The following PCDHGA1 variants were observed in gnomAD, a reference collection of about 807,000 sequenced individuals.
The protein encoded by PCDHGA1 is protocadherin gamma subfamily A, 1, also known as protocadherin gamma-A1.
In PCDHGA1, 32 loss-of-function variants were observed where a neutral mutation model predicts 58.0. The observed-to-expected ratio is 0.55, with a 90% CI of 0.42 to 0.74. The LOEUF (loss-of-function observed/expected upper bound fraction) is 0.74, where lower values mean the gene tolerates loss of function less well. Among genes scored for constraint, PCDHGA1 ranks in the 30% least tolerant of loss-of-function variants. The pLI is 0.00. For missense variants in PCDHGA1, 1,205 were observed against 1,182.3 expected (o/e 1.02, Z -0.28); for synonymous variants, 498 against 501.1 (o/e 0.99, Z 0.08).
At chr5:141,448,215 C>T (rs927573458) in intron 1 of PCDHGA1, among the ~76,000 whole-genome samples, 5 of 152,046 alleles carry the variant, frequency 3.3e-5, no homozygotes, top group African/African-American at 9.7e-5. Flanking sequence ...TGTGTGTATG[C>T]GAATGTATGT....
At chr5:141,438,635 T>TATAC (rs1460604450) in intron 1 of PCDHGA1, among the ~76,000 whole-genome samples, 1 of 33,416 alleles carries the variant, frequency 3.0e-5, no homozygotes, top group Admixed American at 4.2e-4. Context: ...TATATATATA[T>TATAC]ACACACACAC....
At chr5:141,396,515 G>A (rs1162905890) in intron 1 of PCDHGA1, 3 of 152,048 alleles carry the variant, frequency 2.0e-5, no homozygotes, top group Non-Finnish European at 4.4e-5. Flanking sequence ...AGCTACTCGG[G>A]AGGCTGAGGC....
At chr5:141,474,607 A>C (rs1334447439) in intron 1 of PCDHGA1, among the ~76,000 whole-genome samples, 1 of 152,238 alleles carries the variant, frequency 6.6e-6, no homozygotes, top group Non-Finnish European at 1.5e-5. Context: ...TAGGTCACAT[A>C]TGGCTTTTCA....
chr5:141,395,558 G>C (rs60237573), intron 1 of PCDHGA1: 1 of 127,872 alleles, frequency 7.8e-6, no homozygotes, highest in Non-Finnish European at 1.4e-5. Flanking sequence ...GTGTGTGTGT[G>C]TGTGTGTGTG....
intron 1 of PCDHGA1, chr5:141,393,311 C>T: frequency 6.2e-7 from 1 of 1,613,484 alleles, no homozygotes; most frequent in Non-Finnish European, 8.5e-7. Context: ...GCGTGAACTC[C>T]CTCCAGAGCT....
chr5:141,402,801 G>A, intron 1 of PCDHGA1: 6 of 1,078,624 alleles, frequency 5.6e-6, no homozygotes, highest in Non-Finnish European at 7.6e-6. Context: ...CACAAAACCC[G>A]GCAGATACCA....
intron 1 of PCDHGA1, chr5:141,376,531 G>T (rs1240526589): frequency 3.7e-6 from 6 of 1,613,608 alleles, no homozygotes; most frequent in Non-Finnish European, 5.1e-6. Context: ...CGCCTAAGCG[G>T]GAAGAGTAAT....
At position 141,511,462 on chromosome 5, in the gene PCDHGA1, C is replaced by A. The variant is rs1385398410; in HGVS notation, c.*289C>A. ...AGACACCAAGAACCATTTGCCACAC[C>A]CCGTTTAGTTACAGCTGAACTCCTC... On this transcript the variant is annotated 3_prime_UTR_variant, in exon 4 of 4. Coordinates refer to ENST00000517417, the MANE Select transcript of PCDHGA1 (RefSeq NM_018912.3). The A allele has an allele frequency of 4.7e-5, 26 of 556,350 alleles. No individual in the cohort carries two copies. Among genetic ancestry groups the A allele is most frequent in the Non-Finnish European group, 9.1e-6 (3 of 329,202 alleles). 34.5% of individuals were successfully genotyped at this position (556,350 alleles called of 1,614,324 possible). A position where few individuals can be genotyped will look rare whatever the true frequency, so the allele number is the denominator to read the frequency against.
intron 1 of PCDHGA1, chr5:141,413,287 T>C (rs937508313): frequency 6.2e-7 from 1 of 1,613,950 alleles, no homozygotes. Flanking sequence ...GATCTCCTAC[T>C]CAATTCCTGA....
intron 1 of PCDHGA1, chr5:141,361,448 T>C: frequency 6.2e-7 from 1 of 1,614,014 alleles, no homozygotes; most frequent in Non-Finnish European, 8.5e-7. Context: ...AGCATAATTG[T>C]CACCCTGCAC....
intron 1 of PCDHGA1, among the ~76,000 whole-genome samples, chr5:141,448,007 AC>A (rs1430481139): frequency 1.3e-5 from 2 of 151,784 alleles, no homozygotes; most frequent in Non-Finnish European, 2.9e-5. Context: ...AATCGCTTGA[AC>A]CCAGGAGGTG....
intron 1 of PCDHGA1, among the ~76,000 whole-genome samples, chr5:141,471,120 C>T (rs560582806): frequency 6.7e-6 from 1 of 149,470 alleles, no homozygotes; most frequent in South Asian, 2.1e-4. Context: ...GCGATCTTAC[C>T]TTCACTGCAA....
At chr5:141,494,171 G>A (rs72790068) in intron 1 of PCDHGA1, among the ~76,000 whole-genome samples, 9,520 of 152,240 alleles carry the variant, frequency 0.063, 348 homozygotes, top group South Asian at 0.11. Flanking sequence ...TTCTAGGGGT[G>A]AGAAGTGTCC....
Position 141,432,014 on chromosome 5 carries a change from AACATC to A in PCDHGA1, c.2422-62789_2422-62785del. ...GGATAGGGAACAGGTTCCTAGCTAC[AACATC>A]ACAGTGACCGCCACTGACCGGGGAA... On this transcript the variant is annotated intron_variant, in intron 1 of 3. Transcript: ENST00000517417. This position sits in a 1 kb window ranked among gnomAD's most constrained non-coding sequence, Gnocchi z 6.0. 6.2e-7 allele frequency: 1 copy of A among 1,614,078 alleles called. No individual in the cohort carries two copies. The highest frequency in any genetic ancestry group is 8.5e-7 in the Non-Finnish European group (1 of 1,180,036).
intron 1 of PCDHGA1, chr5:141,409,361 G>A (rs754448763): frequency 6.2e-7 from 1 of 1,613,964 alleles, no homozygotes; most frequent in Non-Finnish European, 8.5e-7. Flanking sequence ...GTGTAATATA[G>A]AAACAGACAT....
intron 1 of PCDHGA1, chr5:141,404,696 G>T: frequency 6.2e-7 from 1 of 1,614,104 alleles, no homozygotes; most frequent in South Asian, 1.1e-5. Flanking sequence ...ACCCCGCTCT[G>T]CAGAGCCTGG....
At chr5:141,365,272 C>A in intron 1 of PCDHGA1, 1 of 1,613,984 alleles carries the variant, frequency 6.2e-7, no homozygotes, top group Non-Finnish European at 8.5e-7. Context: ...AATCCAGATT[C>A]TACCTCATGG....
chr5:141,423,497 AG>A (rs1269176785), intron 1 of PCDHGA1: 1 of 1,613,940 alleles, frequency 6.2e-7, no homozygotes, highest in Non-Finnish European at 8.5e-7. Flanking sequence ...TATTCCCACG[AG>A]GTCTCTCTCA....
At chr5:141,360,787 G>A (rs758998647) in intron 1 of PCDHGA1, 14 of 1,613,764 alleles carry the variant, frequency 8.7e-6, no homozygotes, top group African/African-American at 1.3e-5. Flanking sequence ...TGTGGATGGC[G>A]GAGACCCACC....
Sources: gnomAD v4.1 joint callset for allele counts (sites outside exome capture counted in the v4.1 genomes callset) on GRCh38, gnomAD v4.1.1 for gene constraint, Gnocchi (gnomAD v3.1) non-coding constraint, MANE v1.5 for transcripts, NCBI Gene and HGNC (gene_info 2026-07-23, HGNC 2026-07-21) for gene names.